Variants in IARS2 observed in about 807,000 individuals in gnomAD.
IARS2 encodes isoleucine--tRNA ligase, mitochondrial.
A neutral mutation model predicts 126.3 loss-of-function variants in IARS2; 56 were observed. The observed-to-expected ratio is 0.44, with a 90% CI of 0.36 to 0.55. IARS2 has a LOEUF of 0.55. Ranked by LOEUF, IARS2 falls within the 20% of genes least tolerant of loss-of-function variation. The pLI is 0.00. For missense variants in IARS2, 1,127 were observed against 1,245.9 expected (o/e 0.90, Z 1.44); for synonymous variants, 407 against 441.1 (o/e 0.92, Z 0.97).
intron 12 of IARS2, among the ~76,000 whole-genome samples, chr1:220,123,661 T>C (rs1657095956): frequency 6.6e-6 from 1 of 151,994 alleles, no homozygotes; most frequent in Admixed American, 6.6e-5. Context: ...TTTTTTTTAG[T>C]AGAGATGGGG....
chr1:220,135,808 T>A (rs1449169741), intron 15 of IARS2, among the ~76,000 whole-genome samples: 1 of 150,442 alleles, frequency 6.6e-6, no homozygotes, highest in African/African-American at 2.4e-5. Flanking sequence ...TTTTTTCATT[T>A]AAAATTTTTT....
chr1:220,136,976 C>T (rs1263058526), intron 16 of IARS2, 65 bp downstream of exon 16: 9 of 879,102 alleles, frequency 1.0e-5, no homozygotes, highest in Non-Finnish European at 1.6e-5. Flanking sequence ...AGCCAAAGCC[C>T]TTAATATAGT....
Position 220,102,085 on chromosome 1 carries a change from G to A in IARS2, c.551-44G>A, listed in dbSNP as rs545199797. 2.5e-4 allele frequency: 380 copies of A among 1,539,332 alleles called. 2 individuals are homozygous for A. In the South Asian group the frequency reaches 3.8e-3, roughly 15 times the overall value. On this transcript the variant is annotated intron_variant, in intron 3 of 22. Transcript: ENST00000366922. ...CATGCTAAACCATGTTTAAGAATTC[G>A]AATTCATTGGTTTTTTAAAATCTTT...
intron 21 of IARS2, among the ~76,000 whole-genome samples, chr1:220,143,760 A>G (rs2102842836): frequency 6.6e-6 from 1 of 152,256 alleles, no homozygotes. Context: ...ATTTCAAAGC[A>G]TTTATCCTAT....
Position 220,105,942 on chromosome 1 carries a change from C to A in IARS2, c.1118C>A (p.Ala373Asp). 1 of 1,614,044 alleles carries A rather than the reference C, an allele frequency of 6.2e-7. No homozygotes were observed. Among genetic ancestry groups the A allele is most frequent in the Non-Finnish European group, 8.5e-7 (1 of 1,179,942 alleles). Residue 373 changes from alanine (A) to aspartate (D), a missense_variant, in exon 9 of 23, where the codon GCC becomes GAC. Ala to Asp is a moderately radical substitution (Grantham distance 126, BLOSUM62 -2). Transcript: ENST00000366922. ...AGTCATCCATTAATTCCTGATAAAG[C>A]CTCTCCTCTTTTACCTGCAAATCAT... ...TCSHPLIPDK[A>D]SPLLPANHVT...
intron 16 of IARS2, 141 bp from the exon 17 acceptor site, chr1:220,137,777 C>T (rs1657408288): frequency 1.2e-5 from 10 of 812,636 alleles, no homozygotes; most frequent in Non-Finnish European, 1.7e-5. Flanking sequence ...GATTGTTAGC[C>T]CGCATTTCAT....
At chr1:220,143,187 C>T in intron 21 of IARS2, 53 bp downstream of exon 21, 1 of 1,360,848 alleles carries the variant, frequency 7.3e-7, no homozygotes, top group Non-Finnish European at 1.0e-6. Flanking sequence ...AGAGCTTTGC[C>T]TGAAATTTGC....
rs769328073 is a variant in IARS2, at chr1:220,102,730, T to C, written c.903T>C (p.Pro301=). 4.3e-6 allele frequency: 7 copies of C among 1,613,780 alleles called. 1 individual carries two copies. The highest frequency in any genetic ancestry group is 3.3e-5 in the South Asian group (3 of 91,080). The change falls in exon 7 of 23, where the codon CCT becomes CCC. Residue 301 remains proline (P), a synonymous_variant. Coordinates refer to ENST00000366922, the MANE Select transcript of IARS2 (RefSeq NM_018060.4). ...GTATTTTGGTCTGGACCACACAACC[T>C]TGGACGATTCCAGCCAATGAAGCTG... ...PVSILVWTTQ[P]WTIPANEAVC...
intron 2 of IARS2, among the ~76,000 whole-genome samples, chr1:220,096,514 C>G (rs897493380): frequency 2.6e-5 from 4 of 152,174 alleles, no homozygotes; most frequent in African/African-American, 9.7e-5. Context: ...AAAGGTATGT[C>G]TTGGCCGGGC....
chr1:220,097,205 C>CCTGCATAG (rs1235597211), intron 2 of IARS2, among the ~76,000 whole-genome samples: 1 of 151,112 alleles, frequency 6.6e-6, no homozygotes, highest in Non-Finnish European at 1.5e-5. Flanking sequence ...GTTTTAGCCA[C>CCTGCATAG]CTGCATAGCT....
rs1214695899 is a variant in IARS2 at position 220,118,136 on chromosome 1, A to G, written c.1640+3662A>G. Reference sequence around the variant, plus strand: ...CCACAATTTTCTGTCTTTCTTTATTATACCTTTATATTGTAGCAAGTTGGT... The same window carrying G: ...CCACAATTTTCTGTCTTTCTTTATTGTACCTTTATATTGTAGCAAGTTGGT... On this transcript the variant is annotated intron_variant, in intron 12 of 22. Coordinates refer to ENST00000366922, the MANE Select transcript of IARS2 (RefSeq NM_018060.4). 4 of 482,508 alleles carry G rather than the reference A, an allele frequency of 8.3e-6. No homozygotes were observed. The East Asian group carries it at 1.8e-4, about 21-fold the overall frequency. The allele number at this position is 482,508 out of a possible 1,614,324, so 29.9% of individuals were successfully genotyped here.
intron 11 of IARS2, among the ~76,000 whole-genome samples, chr1:220,111,880 CTTAT>C (rs954808636): frequency 1.3e-5 from 2 of 151,888 alleles, no homozygotes; most frequent in African/African-American, 4.8e-5. Context: ...GCCTCTCTTC[CTTAT>C]TTGTCAATGT....
chr1:220,143,016 C>T lies in IARS2; in HGVS notation c.2633C>T (p.Ala878Val), dbSNP rs780730632. The T allele has an allele frequency of 2.5e-6, 4 of 1,614,084 alleles. No individual in the cohort carries two copies. Among genetic ancestry groups the T allele is most frequent in the South Asian group, 1.1e-5 (1 of 91,078 alleles). ...TGGAAAAAGCCCGGGTTGGAAGAAGCTGTGGAGAGTGCGTGTGCAATGCGA... is the reference window on the plus strand; with the variant it reads ...TGGAAAAAGCCCGGGTTGGAAGAAGTTGTGGAGAGTGCGTGTGCAATGCGA... ...SIWKKPGLEE[A>V]VESACAMRDS... Residue 878 changes from alanine to valine, a missense_variant, in exon 21 of 23, where the codon GCT becomes GTT. Coordinates refer to ENST00000366922, the MANE Select transcript of IARS2 (RefSeq NM_018060.4).
At chr1:220,143,949 A>G (rs1314759404) in intron 21 of IARS2, 5 of 1,261,332 alleles carry the variant, frequency 4.0e-6, no homozygotes, top group Non-Finnish European at 5.7e-6. Context: ...AAATATATGT[A>G]TTACATCCCT....
intron 21 of IARS2, chr1:220,143,343 AAG>A: frequency 2.8e-6 from 1 of 353,094 alleles, no homozygotes; most frequent in Non-Finnish European, 5.1e-6. Context: ...ATTTAAAAAA[AAG>A]TGTCTAAATT....
At chr1:220,095,981 T>C (rs1342964254) in intron 1 of IARS2, 123 bp from the exon 2 acceptor site, 3 of 595,224 alleles carry the variant, frequency 5.0e-6, no homozygotes, top group East Asian at 5.6e-5. Flanking sequence ...TTGAGTAGAT[T>C]GGAATGGAAT....
At chr1:220,125,769 C>T (rs116442739) in intron 13 of IARS2, among the ~76,000 whole-genome samples, 7,910 of 152,016 alleles carry the variant, frequency 0.052, 304 homozygotes, top group Middle Eastern at 0.099. Context: ...CACCACTACA[C>T]TGCAGCCTGG....
At chr1:220,103,309 A>G (rs1384538249) in intron 7 of IARS2, 138 bp from the exon 8 acceptor site, 1 of 571,312 alleles carries the variant, frequency 1.8e-6, no homozygotes, top group Non-Finnish European at 3.1e-6. Context: ...TGGCCTCCCA[A>G]AGTGCTGGGA....
intron 19 of IARS2, 23 bp downstream of exon 19, chr1:220,140,312 A>G (rs1442365174): frequency 3.7e-6 from 5 of 1,354,780 alleles, no homozygotes; most frequent in Non-Finnish European, 5.3e-6. Context: ...AAATATTAAA[A>G]TGCTTAACAA....
Sources: gnomAD v4.1 joint callset for allele counts (sites outside exome capture counted in the v4.1 genomes callset) on GRCh38, gnomAD v4.1.1 for gene constraint, MANE v1.5 for transcripts, NCBI Gene and HGNC (gene_info 2026-07-23, HGNC 2026-07-21) for gene names.